METTL16: variants seen among roughly 807,000 people sequenced by gnomAD.
METTL16 encodes the protein RNA N(6)-adenosine-methyltransferase METTL16.
A neutral mutation model predicts 57.9 loss-of-function variants in METTL16; 19 were observed. The ratio of observed to expected loss-of-function variants is 0.33; its 90% CI spans 0.23 to 0.48. The LOEUF is 0.48. Ranked by LOEUF, METTL16 falls within the 20% of genes least tolerant of loss-of-function variation. The pLI is 0.99. For synonymous variants in METTL16, 246 were observed against 255.6 expected, an observed-to-expected ratio of 0.96 and a Z score of 0.36; for missense variants, 434 against 691.5, an observed-to-expected ratio of 0.63 and a Z score of 4.18.
intron 6 of METTL16, among the ~76,000 whole-genome samples, chr17:2,457,110 G>C (rs1008516145): frequency 1.3e-5 from 2 of 151,196 alleles, no homozygotes; most frequent in African/African-American, 4.9e-5. Flanking sequence ...AAGGCGGGTG[G>C]ATCACGAGGT....
rs1020543596 is a variant in METTL16, at chr17:2,416,786, G to A, written c.*3184C>T. On this transcript the variant is annotated 3_prime_UTR_variant, in exon 10 of 10. Coordinates refer to ENST00000263092, the MANE Select transcript of METTL16 (RefSeq NM_024086.4). ...CATGAATGTGACCTCTGGACACCGGGAGAGTAACACTCAAGGTTATGACAT... is the reference window on the plus strand; with the variant it reads ...CATGAATGTGACCTCTGGACACCGGAAGAGTAACACTCAAGGTTATGACAT... 6.6e-6 allele frequency: 1 copy of A among 152,162 alleles called. No individual in the cohort carries two copies. The highest frequency in any genetic ancestry group is 2.4e-5 in the African/African-American group (1 of 41,418). The allele number at this position is 152,162 out of a possible 1,614,324, so 9.4% of individuals were successfully genotyped here. A position where few individuals can be genotyped will look rare whatever the true frequency, so the allele number is the denominator to read the frequency against.
intron 2 of METTL16, among the ~76,000 whole-genome samples, chr17:2,482,146 T>C (rs576509915): frequency 2.0e-5 from 3 of 152,318 alleles, no homozygotes; most frequent in East Asian, 1.9e-4. Context: ...AAATTCCTAA[T>C]GGAAAAAGTT....
chr17:2,486,754 C>T (rs1164002454), intron 2 of METTL16, among the ~76,000 whole-genome samples: 1 of 151,872 alleles, frequency 6.6e-6, no homozygotes, highest in Non-Finnish European at 1.5e-5. Flanking sequence ...GGGTGGATGG[C>T]TTGAGTCCAG....
rs1360455284 is a variant in METTL16 at position 2,417,107 on chromosome 17, C to T, written c.*2863G>A. The T allele has an allele frequency of 7.8e-6, 1 of 127,766 alleles. No individual in the cohort carries two copies. The highest frequency in any genetic ancestry group is 1.6e-5 in the Non-Finnish European group (1 of 63,010). The allele number at this position is 127,766 out of a possible 1,614,324, so 7.9% of individuals were successfully genotyped here. A position where few individuals can be genotyped will look rare whatever the true frequency, so the allele number is the denominator to read the frequency against. Reference sequence around the variant, plus strand: ...TTTTGAGACAGTCCCACTTTGTCGCCCAGGCTGTAGTGCAGTGGCATTCTC... The same window carrying T: ...TTTTGAGACAGTCCCACTTTGTCGCTCAGGCTGTAGTGCAGTGGCATTCTC... On this transcript the variant is annotated 3_prime_UTR_variant, in exon 10 of 10. Transcript: ENST00000263092.
chr17:2,418,272 T>C lies in METTL16; in HGVS notation c.*1698A>G, dbSNP rs1441326410. On this transcript the variant is annotated 3_prime_UTR_variant, in exon 10 of 10. Transcript: ENST00000263092. ...AACTCTAGGAGGTACATGGACTCTC[T>C]GGAGGTCCACGGACCAGGTTAAGAA... 1 of 152,072 alleles carries C rather than the reference T, an allele frequency of 6.6e-6. No homozygotes were observed. The highest frequency in any genetic ancestry group is 1.5e-5 in the Non-Finnish European group (1 of 68,034). The allele number at this position is 152,072 out of a possible 1,614,324, so 9.4% of individuals were successfully genotyped here. A position where few individuals can be genotyped will look rare whatever the true frequency, so the allele number is the denominator to read the frequency against.
chr17:2,420,175 T>C lies in METTL16; in HGVS notation c.1484A>G (p.Gln495Arg). The C allele has an allele frequency of 6.2e-7, 1 of 1,614,254 alleles. No homozygotes were observed. ...NGAQDQEASE[Q>R]FGSPVAERGK... ...CCTTTCAGCCACTGGGCTGCCGAAC[T>C]GCTCAGAAGCCTCTTGGTCCTGGGC... The change falls in exon 10 of 10, where the codon CAG (glutamine) becomes CGG (arginine). Residue 495 changes from glutamine to arginine, a missense_variant. Transcript: ENST00000263092. This position sits in a 1 kb window ranked among gnomAD's most constrained non-coding sequence, Gnocchi z 5.4.
chr17:2,506,193 A>G (rs1307333978), intron 1 of METTL16, among the ~76,000 whole-genome samples: 1 of 151,364 alleles, frequency 6.6e-6, no homozygotes, highest in African/African-American at 2.4e-5. Context: ...CCTCTTCTTC[A>G]GGAAGATCTT....
At chr17:2,489,740 A>AAAAAAAAAAC (rs2067371609) in intron 2 of METTL16, among the ~76,000 whole-genome samples, 3 of 150,050 alleles carry the variant, frequency 2.0e-5, no homozygotes, top group Admixed American at 6.6e-5. Context: ...CTCAAAAAAA[A>AAAAAAAAAAC]AAAAAAAAAC....
At chr17:2,498,885 C>G (rs944215580) in intron 2 of METTL16, among the ~76,000 whole-genome samples, 2 of 151,550 alleles carry the variant, frequency 1.3e-5, no homozygotes, top group Admixed American at 6.6e-5. Context: ...CCCACCTCCT[C>G]CTGTCTCTTG....
chr17:2,482,227 A>T (rs572571539), intron 2 of METTL16, among the ~76,000 whole-genome samples: 31 of 152,366 alleles, frequency 2.0e-4, no homozygotes, highest in Admixed American at 6.5e-5. Flanking sequence ...CTTTGACTTT[A>T]AGCGAAACCA....
intron 6 of METTL16, among the ~76,000 whole-genome samples, chr17:2,456,104 C>T (rs541230900): frequency 1.3e-5 from 2 of 152,118 alleles, no homozygotes; most frequent in African/African-American, 4.8e-5. Context: ...AGCATCTACC[C>T]CCTGTGGAGC....
chr17:2,426,672 T>A (rs1193339558), intron 8 of METTL16, among the ~76,000 whole-genome samples: 2 of 127,688 alleles, frequency 1.6e-5, no homozygotes, highest in African/African-American at 6.2e-5. Context: ...GAGGTTGCAG[T>A]GAGCCGAGAT....
rs1369771087 is a variant in METTL16 at position 2,491,938 on chromosome 17, G to A, written c.128+10266C>T. Reference sequence around the variant, plus strand: ...AAAATAAAAACAAATAGGGCTGGGCGCGGTGGCTCACGCCTGTAACCCCAG... The same window carrying A: ...AAAATAAAAACAAATAGGGCTGGGCACGGTGGCTCACGCCTGTAACCCCAG... On this transcript the variant is annotated intron_variant, in intron 2 of 9. Transcript: ENST00000263092. Among the ~76,000 whole-genome samples the A allele has an allele frequency of 5.4e-5, 8 of 148,622 alleles. 1 individual carries two copies. Among genetic ancestry groups the A allele is most frequent in the African/African-American group, 9.9e-5 (4 of 40,294 alleles).
At chr17:2,433,949 C>A (rs2066892904) in intron 8 of METTL16, among the ~76,000 whole-genome samples, 1 of 152,208 alleles carries the variant, frequency 6.6e-6, no homozygotes, top group Non-Finnish European at 1.5e-5. Context: ...TCAGCACTTA[C>A]TCACATGCAA....
rs2067591021 is a variant in METTL16, at chr17:2,511,746, A to G, written c.-1+13T>C. 7.5e-6 allele frequency: 3 copies of G among 398,260 alleles called. No homozygotes were observed. Among genetic ancestry groups the G allele is most frequent in the South Asian group, 1.3e-4 (1 of 7,780 alleles). The allele number at this position is 398,260 out of a possible 1,614,324, so 24.7% of individuals were successfully genotyped here. On this transcript the variant is annotated intron_variant, in intron 1 of 9. Transcript: ENST00000263092. ...ATGATAGTAAATCTGCGTGAGAGAT[A>G]TAAGTGACCCACCTCTGAGGCCGAG...
chr17:2,416,202 G>T lies in METTL16; in HGVS notation c.*3768C>A, dbSNP rs1396400927. The stretch of plus-strand genomic sequence containing the variant: ...TCCCACGGGGAAGTGAAGGCGCTTT[G>T]ATAAAAGGGCCAAGGGTGCCCTCGT... On this transcript the variant is annotated 3_prime_UTR_variant, in exon 10 of 10. Coordinates refer to ENST00000263092, the MANE Select transcript of METTL16 (RefSeq NM_024086.4). The T allele has an allele frequency of 6.6e-6, 1 of 152,164 alleles. No individual in the cohort carries two copies. Among genetic ancestry groups the T allele is most frequent in the African/African-American group, 2.4e-5 (1 of 41,446 alleles). 9.4% of individuals were successfully genotyped at this position (152,164 alleles called of 1,614,324 possible).
intron 8 of METTL16, among the ~76,000 whole-genome samples, chr17:2,423,933 A>G (rs2151684220): frequency 6.6e-6 from 1 of 152,264 alleles, no homozygotes; most frequent in African/African-American, 2.4e-5. Context: ...AGAAATCACA[A>G]AATCGACAAC....
At chr17:2,477,941 A>C (rs149684211) in intron 2 of METTL16, 56 bp from the exon 3 acceptor site, 17 of 1,479,862 alleles carry the variant, frequency 1.1e-5, no homozygotes, top group South Asian at 4.6e-5. Context: ...TATGTTGTAC[A>C]AGCTCTACGG....
chr17:2,487,063 G>C (rs2067348582), intron 2 of METTL16, among the ~76,000 whole-genome samples: 1 of 149,596 alleles, frequency 6.7e-6, no homozygotes, highest in Non-Finnish European at 1.5e-5. Flanking sequence ...GGCAGAGATA[G>C]GGAAAAGTGA....
Sources: gnomAD v4.1 joint callset for allele counts (sites outside exome capture counted in the v4.1 genomes callset) on GRCh38, gnomAD v4.1.1 for gene constraint, Gnocchi (gnomAD v3.1) non-coding constraint, MANE v1.5 for transcripts, NCBI Gene and HGNC (gene_info 2026-07-23, HGNC 2026-07-21) for gene names.